ZYG11A: variants seen among roughly 807,000 people sequenced by gnomAD.
ZYG11A encodes the protein protein zyg-11 homolog A.
Under a neutral mutation model 77.2 loss-of-function variants are expected in ZYG11A, and 62 were observed. That is an observed-to-expected ratio of 0.80 (90% confidence interval 0.65 to 0.99). ZYG11A has a LOEUF of 0.99. Among genes scored for constraint, ZYG11A ranks in the 50% least tolerant of loss-of-function variants. The pLI is 0.00. For synonymous variants in ZYG11A, 315 were observed against 324.6 expected, an observed-to-expected ratio of 0.97 and a Z score of 0.32; for missense variants, 828 against 896.8, an observed-to-expected ratio of 0.92 and a Z score of 0.98.
intron 1 of ZYG11A, among the ~76,000 whole-genome samples, chr1:52,847,880 A>ATTTTT (rs758073091): frequency 7.5e-4 from 32 of 42,734 alleles, no homozygotes; most frequent in African/African-American, 2.2e-3. Flanking sequence ...TTATTTATTT[A>ATTTTT]TTTTTTTGAG....
intron 5 of ZYG11A, among the ~76,000 whole-genome samples, chr1:52,865,092 G>T (rs764424306): frequency 6.6e-6 from 1 of 152,096 alleles, no homozygotes; most frequent in Non-Finnish European, 1.5e-5. Flanking sequence ...ACAGGCGCAT[G>T]CCACCATGCC....
intron 1 of ZYG11A, among the ~76,000 whole-genome samples, chr1:52,849,922 G>T (rs1645675659): frequency 6.6e-6 from 1 of 151,926 alleles, no homozygotes; most frequent in African/African-American, 2.4e-5. Context: ...CCGACCTCGT[G>T]ATCCGCCCAC....
intron 4 of ZYG11A, among the ~76,000 whole-genome samples, chr1:52,862,682 G>A (rs1645952355): frequency 6.6e-6 from 1 of 152,118 alleles, no homozygotes; most frequent in Non-Finnish European, 1.5e-5. Context: ...GTAACAGAGC[G>A]AGATCCCAAC....
At chr1:52,887,096 T>A (rs536218576) in intron 13 of ZYG11A, 43 bp downstream of exon 13, 2 of 1,151,070 alleles carry the variant, frequency 1.7e-6, no homozygotes, top group African/African-American at 3.1e-5. Context: ...GTTTTCCAGC[T>A]ATTTTTCTGT....
chr1:52,863,404 C>G (rs1022960636), intron 4 of ZYG11A, among the ~76,000 whole-genome samples: 4 of 152,050 alleles, frequency 2.6e-5, no homozygotes, highest in Non-Finnish European at 5.9e-5. Flanking sequence ...CACTTTCTTT[C>G]CCCTAGGAAT....
rs1258217824 is a variant in ZYG11A at position 52,857,105 on chromosome 1, T to G, written c.364T>G (p.Phe122Val). Residue 122 changes from phenylalanine to valine, a missense_variant, in exon 3 of 14, where the codon TTC becomes GTC. Physicochemically the swap from Phe to Val is conservative, Grantham distance 50 (BLOSUM62 -1). Transcript: ENST00000371528. ...CTCTACAGCTGCATTCATAAAAGCC[T>G]TCTGCCGTCATAAGCTCATTGAACT... is the stretch of plus-strand genomic sequence containing the variant. ...KISTAAFIKAFCRHKLIELNA... is the reference protein window; with the variant it reads ...KISTAAFIKAVCRHKLIELNA... 1 of 1,551,812 alleles carries G rather than the reference T, an allele frequency of 6.4e-7. No homozygotes were observed. Among genetic ancestry groups the G allele is most frequent in the East Asian group, 2.4e-5 (1 of 40,926 alleles).
intron 8 of ZYG11A, among the ~76,000 whole-genome samples, chr1:52,876,308 T>C (rs1646260498): frequency 6.6e-6 from 1 of 152,042 alleles, no homozygotes; most frequent in African/African-American, 2.4e-5. Context: ...AGGTATGAAG[T>C]AGACTGATAG....
At chr1:52,880,531 A>G (rs1646345870) in intron 10 of ZYG11A, among the ~76,000 whole-genome samples, 1 of 152,170 alleles carries the variant, frequency 6.6e-6, no homozygotes, top group African/African-American at 2.4e-5. Context: ...AATATGGCAA[A>G]GATGATAAAA....
chr1:52,878,345 G>A (rs1389469724), intron 10 of ZYG11A, among the ~76,000 whole-genome samples: 1 of 152,184 alleles, frequency 6.6e-6, no homozygotes, highest in Non-Finnish European at 1.5e-5. Context: ...ATGTCTGACA[G>A]TTGGTGCTGC....
chr1:52,842,798 C>T lies in ZYG11A; in HGVS notation c.-86C>T. 5 of 1,338,716 alleles carry T rather than the reference C, an allele frequency of 3.7e-6. No homozygotes were observed. 82.9% of individuals were successfully genotyped at this position (1,338,716 alleles called of 1,614,324 possible). A position where few individuals can be genotyped will look rare whatever the true frequency, so the allele number is the denominator to read the frequency against. On this transcript the variant is annotated 5_prime_UTR_variant, in exon 1 of 14. Coordinates refer to ENST00000371528, the MANE Select transcript of ZYG11A (RefSeq NM_001004339.3). Reference sequence around the variant, plus strand: ...GCCTCGCAGGCGTGGTGGGCGCGTCCTGGCAGCCGCCCGCTTGGTTCTCGC... The same window carrying T: ...GCCTCGCAGGCGTGGTGGGCGCGTCTTGGCAGCCGCCCGCTTGGTTCTCGC...
At chr1:52,872,482 A>G (rs772144156) in intron 8 of ZYG11A, among the ~76,000 whole-genome samples, 19 of 152,170 alleles carry the variant, frequency 1.2e-4, no homozygotes, top group Admixed American at 1.0e-3. Context: ...ACAAGCAAGG[A>G]AGTTAATATT....
At position 52,842,864 on chromosome 1, in the gene ZYG11A, G is replaced by A; in HGVS notation, c.-20G>A. ...GCTCGACGCCGGCTCTCTTTTTGAC[G>A]CCCCGCCGCCGGGGTTGCCATGGTT... On this transcript the variant is annotated 5_prime_UTR_variant, in exon 1 of 14. Coordinates refer to ENST00000371528, the MANE Select transcript of ZYG11A (RefSeq NM_001004339.3). 6.5e-7 allele frequency: 1 copy of A among 1,527,736 alleles called. No individual in the cohort carries two copies. The allele number at this position is 1,527,736 out of a possible 1,614,324, so 94.6% of individuals were successfully genotyped here.
intron 4 of ZYG11A, 121 bp downstream of exon 4, chr1:52,860,992 C>A: frequency 1.0e-6 from 1 of 958,556 alleles, no homozygotes; most frequent in South Asian, 1.9e-5. Flanking sequence ...CAAGTGCTCT[C>A]ATAGAGCAAA....
intron 3 of ZYG11A, among the ~76,000 whole-genome samples, chr1:52,858,042 T>G (rs74217403): frequency 6.6e-6 from 1 of 150,954 alleles, no homozygotes; most frequent in South Asian, 2.1e-4. Flanking sequence ...TTGCCTCGGC[T>G]TCCCAAAGTG....
chr1:52,874,250 T>C (rs995276949), intron 8 of ZYG11A, among the ~76,000 whole-genome samples: 1 of 137,116 alleles, frequency 7.3e-6, no homozygotes, highest in African/African-American at 2.7e-5. Context: ...TATATATATA[T>C]ACATATTTTT....
At position 52,880,719 on chromosome 1, in the gene ZYG11A, C is replaced by T. The variant is rs367559353; in HGVS notation, c.1750-752C>T. Among the ~76,000 whole-genome samples, 6 of 152,252 alleles carry T rather than the reference C, an allele frequency of 3.9e-5. No homozygotes were observed. In the East Asian group the frequency reaches 7.7e-4, roughly 20 times the overall value. On this transcript the variant is annotated intron_variant, in intron 10 of 13. Coordinates refer to ENST00000371528, the MANE Select transcript of ZYG11A (RefSeq NM_001004339.3). ...CTTGGGGCAGCTTCTAGGAGCCGAA[C>T]GTGGCCTCCAGCAAGAAACTGAATC... is the stretch of plus-strand genomic sequence containing the variant.
chr1:52,891,050 C>T (rs1017674231), intron 13 of ZYG11A, among the ~76,000 whole-genome samples: 1 of 151,372 alleles, frequency 6.6e-6, no homozygotes, highest in South Asian at 2.1e-4. Flanking sequence ...AGAGGCCCAC[C>T]ACTATGCCCG....
intron 1 of ZYG11A, among the ~76,000 whole-genome samples, chr1:52,844,804 T>A (rs1262362769): frequency 6.6e-6 from 1 of 152,122 alleles, no homozygotes; most frequent in Non-Finnish European, 1.5e-5. Flanking sequence ...ACCTTGTGTA[T>A]ATATAAGAAT....
At chr1:52,847,650 T>C (rs1645616770) in intron 1 of ZYG11A, among the ~76,000 whole-genome samples, 1 of 151,612 alleles carries the variant, frequency 6.6e-6, no homozygotes, top group South Asian at 2.1e-4. Context: ...CTGACAGTGT[T>C]TCCCCTGTAC....
Sources: allele counts gnomAD v4.1 joint callset (sites outside exome capture counted in the v4.1 genomes callset), GRCh38; gene constraint gnomAD v4.1.1; transcripts MANE v1.5; gene names NCBI Gene and HGNC (gene_info 2026-07-23, HGNC 2026-07-21).